The following EEF1AKMT1 variants were observed in gnomAD, a reference collection of about 807,000 sequenced individuals.
EEF1AKMT1 encodes the protein N-6 adenine-specific DNA methyltransferase 2 (putative).
Under a neutral mutation model 21.0 loss-of-function variants are expected in EEF1AKMT1, and 18 were observed. That is an observed-to-expected ratio of 0.86 (90% confidence interval 0.59 to 1.27). The LOEUF (loss-of-function observed/expected upper bound fraction) is 1.27. Among genes scored for constraint, EEF1AKMT1 ranks in the 50% most tolerant of loss-of-function variants. The probability of loss-of-function intolerance (pLI) is 0.00; values close to 1 mark genes in which losing one functional copy is unlikely to be tolerated. For synonymous variants in EEF1AKMT1, 109 were observed against 94.8 expected (o/e 1.15, Z -0.87); for missense variants, 246 against 258.6 (o/e 0.95, Z 0.33).
intron 2 of EEF1AKMT1, among the ~76,000 whole-genome samples, chr13:20,755,945 T>G (rs1323566261): frequency 2.0e-5 from 3 of 152,168 alleles, no homozygotes; most frequent in African/African-American, 7.2e-5. Flanking sequence ...TACTTCAAAT[T>G]TCCTATATTT....
At chr13:20,740,210 C>G (rs1259691110) in intron 2 of EEF1AKMT1, among the ~76,000 whole-genome samples, 2 of 152,236 alleles carry the variant, frequency 1.3e-5, no homozygotes, top group African/African-American at 4.8e-5. Flanking sequence ...GCGGTGCCAG[C>G]CGGCTGCTCC....
chr13:20,736,330 T>C (rs1037663256), intron 3 of EEF1AKMT1, among the ~76,000 whole-genome samples: 1 of 152,110 alleles, frequency 6.6e-6, no homozygotes, highest in African/African-American at 2.4e-5. Context: ...AACAAAACCA[T>C]CACAATCAAG....
intron 2 of EEF1AKMT1, among the ~76,000 whole-genome samples, chr13:20,748,487 T>C (rs1012577818): frequency 2.0e-5 from 3 of 151,278 alleles, no homozygotes; most frequent in African/African-American, 7.3e-5. Flanking sequence ...AAAACAATAG[T>C]CTTCTATCCC....
intron 1 of EEF1AKMT1, among the ~76,000 whole-genome samples, chr13:20,763,968 C>T (rs2059013888): frequency 6.6e-6 from 1 of 151,942 alleles, no homozygotes; most frequent in Non-Finnish European, 1.5e-5. Context: ...CTGATATCCC[C>T]CATTTCATTC....
chr13:20,754,304 A>G (rs1041182181), intron 2 of EEF1AKMT1, among the ~76,000 whole-genome samples: 1 of 149,118 alleles, frequency 6.7e-6, no homozygotes, highest in Non-Finnish European at 1.5e-5. Context: ...TGAATATATC[A>G]CCCCATTCCC....
At chr13:20,737,295 C>T (rs748534209) in intron 3 of EEF1AKMT1, among the ~76,000 whole-genome samples, 44 of 151,970 alleles carry the variant, frequency 2.9e-4, no homozygotes, top group Non-Finnish European at 5.6e-4. Context: ...ATCTGGGAGG[C>T]GGAGGTTGCA....
At chr13:20,773,443 C>T (rs2059073194) in intron 1 of EEF1AKMT1, among the ~76,000 whole-genome samples, 1 of 152,238 alleles carries the variant, frequency 6.6e-6, no homozygotes, top group South Asian at 2.1e-4. Context: ...TCAGAAGCCC[C>T]AGCGACAGGC....
rs2058774833 is a variant in EEF1AKMT1, at chr13:20,728,980, T to C, written c.*100A>G. 2.0e-6 allele frequency: 3 copies of C among 1,470,692 alleles called. No individual in the cohort carries two copies. Among genetic ancestry groups the C allele is most frequent in the Admixed American group, 3.5e-5 (2 of 57,152 alleles). 91.1% of individuals were successfully genotyped at this position (1,470,692 alleles called of 1,614,324 possible). On this transcript the variant is annotated 3_prime_UTR_variant, in exon 5 of 5. Transcript: ENST00000382758. The stretch of plus-strand genomic sequence containing the variant: ...AAACCAGGCCAGGGACAGCTCCAGT[T>C]TGGGGGGAGGGGAAGAGATTATAAC...
At chr13:20,733,383 C>T (rs534838679) in intron 3 of EEF1AKMT1, among the ~76,000 whole-genome samples, 2 of 152,080 alleles carry the variant, frequency 1.3e-5, no homozygotes, top group Non-Finnish European at 2.9e-5. Flanking sequence ...TGTGAGCCAC[C>T]GTGCCTGGCC....
intron 4 of EEF1AKMT1, 94 bp downstream of exon 4, chr13:20,731,747 A>G: frequency 1.6e-6 from 2 of 1,286,990 alleles, no homozygotes; most frequent in Non-Finnish European, 2.2e-6. Context: ...CACAAGTCAC[A>G]CAGGAAGTGG....
intron 2 of EEF1AKMT1, among the ~76,000 whole-genome samples, chr13:20,744,033 T>C (rs897442755): frequency 6.6e-6 from 1 of 152,202 alleles, no homozygotes; most frequent in Non-Finnish European, 1.5e-5. Flanking sequence ...ACTCATCCTT[T>C]TTTATGGCTG....
chr13:20,754,913 A>C (rs976858828), intron 2 of EEF1AKMT1, among the ~76,000 whole-genome samples: 2 of 152,140 alleles, frequency 1.3e-5, no homozygotes, highest in Non-Finnish European at 2.9e-5. Context: ...ATTAAAAAAA[A>C]AAATTGGCCA....
intron 2 of EEF1AKMT1, among the ~76,000 whole-genome samples, chr13:20,745,651 C>A (rs1257503390): frequency 6.6e-6 from 1 of 152,014 alleles, no homozygotes; most frequent in Non-Finnish European, 1.5e-5. Context: ...GAGTTCAAGA[C>A]CAGCTTGGTC....
intron 1 of EEF1AKMT1, among the ~76,000 whole-genome samples, chr13:20,766,936 T>G (rs946167819): frequency 6.6e-6 from 1 of 152,198 alleles, no homozygotes; most frequent in Non-Finnish European, 1.5e-5. Flanking sequence ...CTTTTACATT[T>G]GTTATAAATG....
At chr13:20,744,278 T>G (rs1304898279) in intron 2 of EEF1AKMT1, among the ~76,000 whole-genome samples, 2 of 152,210 alleles carry the variant, frequency 1.3e-5, no homozygotes, top group Non-Finnish European at 2.9e-5. Context: ...CCACAATGGT[T>G]GAACTAATTT....
chr13:20,772,314 C>A (rs1411198845), intron 1 of EEF1AKMT1, among the ~76,000 whole-genome samples: 1 of 152,040 alleles, frequency 6.6e-6, no homozygotes, highest in African/African-American at 2.4e-5. Context: ...GACCTTGGAC[C>A]TTATGTGGCT....
At chr13:20,743,149 C>G (rs955596368) in intron 2 of EEF1AKMT1, among the ~76,000 whole-genome samples, 1 of 152,150 alleles carries the variant, frequency 6.6e-6, no homozygotes, top group Non-Finnish European at 1.5e-5. Flanking sequence ...TCACTACAAC[C>G]TCCACCTCCG....
rs1281344005 is a variant in EEF1AKMT1, at chr13:20,731,970, G to T, written c.379C>A (p.Pro127Thr). Residue 127 changes from proline to threonine, a missense_variant, in exon 4 of 5, where the codon CCC becomes ACC. By Grantham distance (38) the Pro-to-Thr change is conservative. Transcript: ENST00000382758. ...FYDYNNPLDL[P>T]ERIAAHSFDI... ...AAACTATGTGCAGCAATTCTTTCGG[G>T]TAAGTCCAATGGATTATTGTAATCA... 3 of 1,614,202 alleles carry T rather than the reference G, an allele frequency of 1.9e-6. No homozygotes were observed. The South Asian group carries it at 3.3e-5, about 18-fold the overall frequency.
At chr13:20,771,032 A>G (rs2059060335) in intron 1 of EEF1AKMT1, among the ~76,000 whole-genome samples, 1 of 151,978 alleles carries the variant, frequency 6.6e-6, no homozygotes, top group Non-Finnish European at 1.5e-5. Context: ...GATGCACACT[A>G]CCATGTCCAG....
Sources: gnomAD v4.1 joint callset for allele counts (sites outside exome capture counted in the v4.1 genomes callset) on GRCh38, gnomAD v4.1.1 for gene constraint, MANE v1.5 for transcripts, NCBI Gene and HGNC (gene_info 2026-07-23, HGNC 2026-07-21) for gene names.